MTUS2: variants seen among roughly 807,000 people sequenced by gnomAD.
MTUS2 encodes the protein microtubule associated scaffold protein 2.
In MTUS2, 40 loss-of-function variants were observed where a neutral mutation model predicts 114.1. The ratio of observed to expected loss-of-function variants is 0.35; its 90% CI spans 0.27 to 0.46. The LOEUF (loss-of-function observed/expected upper bound fraction) is 0.46. Ranked by LOEUF, MTUS2 falls within the 20% of genes least tolerant of loss-of-function variation. The pLI, the probability that MTUS2 is intolerant of heterozygous loss-of-function variation, is 1.00. For synonymous variants in MTUS2, 688 were observed against 672.0 expected, an observed-to-expected ratio of 1.02 and a Z score of -0.37; for missense variants, 1,679 against 1,705.4, an observed-to-expected ratio of 0.98 and a Z score of 0.27.
intron 2 of MTUS2, among the ~76,000 whole-genome samples, chr13:28,899,767 G>A (rs535583274): frequency 6.6e-6 from 1 of 152,084 alleles, no homozygotes; most frequent in Admixed American, 6.5e-5. Flanking sequence ...TCTTTTTTCT[G>A]TCCATAAATC....
At position 29,026,580 on chromosome 13, in the gene MTUS2, G is replaced by A. The variant is rs986044253; in HGVS notation, c.1882G>A (p.Glu628Lys). The A allele has an allele frequency of 1.2e-6, 2 of 1,613,938 alleles. No homozygotes were observed. Among genetic ancestry groups the A allele is most frequent in the African/African-American group, 2.7e-5 (2 of 75,042 alleles). Reference protein sequence around the residue: ...YQVEKTEERTETKPIIMPKPK... With the variant: ...YQVEKTEERTKTKPIIMPKPK... The stretch of plus-strand genomic sequence containing the variant: ...GGTTGAAAAAACAGAGGAGAGGACA[G>A]AAACTAAGCCCATCATTATGCCCAA... Residue 628 changes from glutamate (E) to lysine (K), a missense_variant, in exon 3 of 16, where the codon GAA (glutamate) becomes AAA (lysine). This residue lies in a region of MTUS2 where 843 missense variants were observed against 770.8 expected (regional missense o/e 1.09). Coordinates refer to ENST00000612955, the MANE Select transcript of MTUS2 (RefSeq NM_001033602.4).
intron 2 of MTUS2, among the ~76,000 whole-genome samples, chr13:28,886,417 C>T (rs923236945): frequency 6.6e-5 from 10 of 151,874 alleles, no homozygotes; most frequent in African/African-American, 2.2e-4. Flanking sequence ...GAGAAGTGGT[C>T]GAAATCGGAT....
At chr13:29,303,462 G>A (rs1386450043) in intron 6 of MTUS2, among the ~76,000 whole-genome samples, 1 of 152,188 alleles carries the variant, frequency 6.6e-6, no homozygotes. Context: ...TAATTGGCCT[G>A]ATGGAGCTGA....
At chr13:28,851,805 A>G (rs1275124567) in intron 2 of MTUS2, among the ~76,000 whole-genome samples, 1 of 118,486 alleles carries the variant, frequency 8.4e-6, no homozygotes, top group Middle Eastern at 3.8e-3. Context: ...GGGTAGGAGC[A>G]CTTGAGCAGG....
chr13:29,282,383 A>T (rs2139544600), intron 6 of MTUS2, among the ~76,000 whole-genome samples: 1 of 152,360 alleles, frequency 6.6e-6, no homozygotes, highest in East Asian at 1.9e-4. Context: ...TGCCAGATTC[A>T]GTCCAGCAAA....
chr13:29,353,908 G>A lies in MTUS2; in HGVS notation c.2906-5354G>A, dbSNP rs746439374. 6.6e-5 allele frequency among the ~76,000 whole-genome samples: 10 copies of A among 152,088 alleles called. No homozygotes were observed. In the South Asian group the frequency reaches 1.9e-3, roughly 28 times the overall value. ...CCTGAGATCCTCTCTCCACAGGCAG[G>A]TATGCACTGATCAGAATCTGGCTGA... On this transcript the variant is annotated intron_variant, in intron 7 of 15. Transcript: ENST00000612955.
chr13:29,177,351 T>C (rs1893815242), intron 5 of MTUS2, among the ~76,000 whole-genome samples: 1 of 150,702 alleles, frequency 6.6e-6, no homozygotes, highest in African/African-American at 2.5e-5. Context: ...AATGGGTTCA[T>C]AAAAAATACT....
Position 29,501,082 on chromosome 13 carries a change from CTG to C in MTUS2, c.3799-13_3799-12del. On this transcript the variant is annotated splice_polypyrimidine_tract_variant and intron_variant, in intron 14 of 15. Transcript: ENST00000612955. ...TGGCCTTGCTAGAACCTCTTAAACA[CTG>C]TTTCCTTTGTAGGCAGAAAAGAACA... 6.2e-7 allele frequency: 1 copy of C among 1,611,452 alleles called. No homozygotes were observed. The highest frequency in any genetic ancestry group is 1.1e-5 in the South Asian group (1 of 90,954).
chr13:29,066,746 A>C (rs1888683680), intron 4 of MTUS2, among the ~76,000 whole-genome samples: 1 of 152,262 alleles, frequency 6.6e-6, no homozygotes. Flanking sequence ...TTAAATGCAT[A>C]GTCCATAACT....
At chr13:29,131,164 C>T (rs1021263754) in intron 5 of MTUS2, among the ~76,000 whole-genome samples, 1 of 152,206 alleles carries the variant, frequency 6.6e-6, no homozygotes, top group African/African-American at 2.4e-5. Flanking sequence ...AACAGAGAAG[C>T]ATCATGATGT....
chr13:29,462,947 G>A (rs1405721346), intron 9 of MTUS2, among the ~76,000 whole-genome samples: 1 of 152,102 alleles, frequency 6.6e-6, no homozygotes, highest in Non-Finnish European at 1.5e-5. Context: ...GTGGTTAATG[G>A]ACTTTGCAGG....
intron 6 of MTUS2, 71 bp from the exon 7 acceptor site, chr13:29,324,542 A>T: frequency 8.4e-7 from 1 of 1,191,398 alleles, no homozygotes; most frequent in African/African-American, 1.5e-5. Flanking sequence ...CACCCTTTCC[A>T]CAACTTATGT....
At chr13:29,302,582 T>C (rs1354956382) in intron 6 of MTUS2, among the ~76,000 whole-genome samples, 5 of 152,204 alleles carry the variant, frequency 3.3e-5, no homozygotes, top group Admixed American at 1.3e-4. Context: ...CCCATTTCCA[T>C]GGCACCTCAC....
intron 1 of MTUS2, among the ~76,000 whole-genome samples, chr13:28,837,450 G>A (rs1352380818): frequency 6.6e-6 from 1 of 152,076 alleles, no homozygotes; most frequent in African/African-American, 2.4e-5. Context: ...GATCACAGTT[G>A]GTAATTACCA....
At chr13:29,369,309 A>G (rs1421196004) in intron 8 of MTUS2, among the ~76,000 whole-genome samples, 1 of 152,198 alleles carries the variant, frequency 6.6e-6, no homozygotes, top group Non-Finnish European at 1.5e-5. Flanking sequence ...CAATGGCACC[A>G]TCTACAGGAC....
At chr13:29,118,197 TC>T (rs1172488739) in intron 5 of MTUS2, among the ~76,000 whole-genome samples, 1 of 151,954 alleles carries the variant, frequency 6.6e-6, no homozygotes, top group African/African-American at 2.4e-5. Context: ...GCTTCCTTCT[TC>T]CCAAGCCCTT....
chr13:29,363,956 G>A (rs1172371618), intron 8 of MTUS2, among the ~76,000 whole-genome samples: 1 of 152,136 alleles, frequency 6.6e-6, no homozygotes, highest in East Asian at 1.9e-4. Flanking sequence ...GAGGTTTGGG[G>A]AGATTGCATA....
chr13:29,151,903 C>A (rs574794310), intron 5 of MTUS2, among the ~76,000 whole-genome samples: 1 of 152,204 alleles, frequency 6.6e-6, no homozygotes, highest in South Asian at 2.1e-4. Context: ...TGGTTAATTA[C>A]CTTTTTGATG....
At chr13:29,407,678 C>T (rs2138529503) in intron 8 of MTUS2, among the ~76,000 whole-genome samples, 1 of 151,958 alleles carries the variant, frequency 6.6e-6, no homozygotes, top group Admixed American at 6.6e-5. Context: ...GGGGTTTCAC[C>T]ATGTTGGCCA....
Sources: allele counts gnomAD v4.1 joint callset (sites outside exome capture counted in the v4.1 genomes callset), GRCh38; gene constraint gnomAD v4.1.1; regional missense constraint gnomAD v4.1.1; transcripts MANE v1.5; gene names NCBI Gene and HGNC (gene_info 2026-07-23, HGNC 2026-07-21).